Variants in C10orf67 observed in about 807,000 individuals in gnomAD.
C10orf67 encodes the protein uncharacterized protein C10orf67, mitochondrial.
In C10orf67, 60 loss-of-function variants were observed where a neutral mutation model predicts 35.6. The observed-to-expected ratio is 1.68, with a 90% CI of 1.37 to 2.09. The LOEUF is 2.09. Among genes scored for constraint, C10orf67 ranks in the 30% most tolerant of loss-of-function variants. The pLI is 0.00. For missense variants in C10orf67, 474 were observed against 330.2 expected (o/e 1.44, Z -3.38); for synonymous variants, 167 against 115.8 (o/e 1.44, Z -2.84).
chr10:23,257,600 C>T lies in C10orf67; in HGVS notation c.1201-6909G>A, dbSNP rs533339071. ...GGAGAATCCCTTGAGCTCGGGAGTT[C>T]GAGAACAGCCTGGGCAATATGGCAA... On this transcript the variant is annotated intron_variant, in intron 10 of 15. Coordinates refer to ENST00000636213, the MANE Select transcript of C10orf67 (RefSeq NM_001371909.1). Among the ~76,000 whole-genome samples, 75 of 152,166 alleles carry T rather than the reference C, an allele frequency of 4.9e-4. No homozygotes were observed. The South Asian group carries it at 0.015, about 30-fold the overall frequency.
Position 23,344,635 on chromosome 10 carries a change from AC to A in C10orf67, c.139del (p.Val47SerfsTer30), listed in dbSNP as rs1283855659. 2 of 1,584,234 alleles carry A rather than the reference AC, an allele frequency of 1.3e-6. No individual in the cohort carries two copies. The highest frequency in any genetic ancestry group is 4.6e-5 in the East Asian group (2 of 43,178). On this transcript the variant is annotated frameshift_variant, in exon 1 of 16. Transcript: ENST00000636213. LOFTEE classifies it high-confidence loss of function. ...AMKAKATELR[V>X]CCARRKREAR... ...TTCTCGCTTCCTACGCGCGCAGCAG[AC>A]CCGCAGCTCGGTGGCCTTGGCTTTC...
At chr10:23,292,158 C>CTTTTTTTT (rs542812504) in intron 5 of C10orf67, among the ~76,000 whole-genome samples, 1 of 69,316 alleles carries the variant, frequency 1.4e-5, no homozygotes. Context: ...GACAGCTACT[C>CTTTTTTTT]TTTTTTTTTT....
At chr10:23,264,553 T>A (rs1370735679) in intron 10 of C10orf67, among the ~76,000 whole-genome samples, 1 of 152,154 alleles carries the variant, frequency 6.6e-6, no homozygotes, top group Non-Finnish European at 1.5e-5. Context: ...GATTTGTCAG[T>A]CTTTGTCCTT....
chr10:23,281,102 A>C (rs1307146755), intron 8 of C10orf67, among the ~76,000 whole-genome samples: 2 of 152,190 alleles, frequency 1.3e-5, no homozygotes, highest in African/African-American at 4.8e-5. Flanking sequence ...GTTTTTGCGA[A>C]TCGCCAACCA....
intron 5 of C10orf67, among the ~76,000 whole-genome samples, chr10:23,300,128 G>A (rs1418810268): frequency 1.3e-5 from 2 of 152,176 alleles, no homozygotes; most frequent in African/African-American, 2.4e-5. Flanking sequence ...CCTGCTGCTC[G>A]ATCATCCGGC....
At chr10:23,291,346 A>G (rs1843714700) in intron 5 of C10orf67, 67 bp from the exon 6 acceptor site, 1 of 651,036 alleles carries the variant, frequency 1.5e-6, no homozygotes, top group African/African-American at 1.8e-5. Context: ...AGACAAGGAC[A>G]ATACAGATAC....
intron 4 of C10orf67, chr10:23,318,589 C>G (rs1844825731): frequency 3.4e-6 from 1 of 290,328 alleles, no homozygotes; most frequent in African/African-American, 2.2e-5. Context: ...GATTCCACCT[C>G]TTGATGGGAG....
chr10:23,229,597 T>G (rs1021072082), intron 13 of C10orf67, among the ~76,000 whole-genome samples: 14 of 151,876 alleles, frequency 9.2e-5, no homozygotes, highest in African/African-American at 3.1e-4. Context: ...ATAAAAAAAG[T>G]TTGTCATTAC....
At chr10:23,311,342 A>T (rs1455854523) in intron 4 of C10orf67, among the ~76,000 whole-genome samples, 2 of 152,224 alleles carry the variant, frequency 1.3e-5, no homozygotes, top group African/African-American at 4.8e-5. Context: ...AGCAACAGAC[A>T]TCCAGGCCTG....
intron 15 of C10orf67, among the ~76,000 whole-genome samples, chr10:23,209,806 C>G (rs924984069): frequency 6.6e-6 from 1 of 151,854 alleles, no homozygotes; most frequent in African/African-American, 2.4e-5. Flanking sequence ...TCAAGACCAG[C>G]CTGGGCAACA....
rs1337463208 is a variant in C10orf67, at chr10:23,223,596, AC to A, written c.1570+1del. The A allele has an allele frequency of 1.4e-6, 1 of 717,296 alleles. No individual in the cohort carries two copies. The highest frequency in any genetic ancestry group is 1.7e-5 in the African/African-American group (1 of 57,214). The allele number at this position is 717,296 out of a possible 1,614,324, so 44.4% of individuals were successfully genotyped here. ...CTCATTTCCAACAATAATGATTCTT[AC>A]CTTTTGGTGAAAGTTGAAGGGCTGC... On this transcript the variant is annotated splice_donor_variant, in intron 15 of 15. Transcript: ENST00000636213. LOFTEE classifies it high-confidence loss of function.
intron 15 of C10orf67, among the ~76,000 whole-genome samples, chr10:23,217,957 T>G (rs1487480477): frequency 6.6e-6 from 1 of 152,188 alleles, no homozygotes; most frequent in Non-Finnish European, 1.5e-5. Context: ...ATGGGTTGCC[T>G]TCCCTTTTCA....
At chr10:23,292,036 T>G (rs1220250143) in intron 5 of C10orf67, among the ~76,000 whole-genome samples, 1 of 152,164 alleles carries the variant, frequency 6.6e-6, no homozygotes, top group African/African-American at 2.4e-5. Flanking sequence ...TTTAAAGTTA[T>G]AGTTTTAGTA....
intron 13 of C10orf67, among the ~76,000 whole-genome samples, chr10:23,231,733 A>G (rs1841918774): frequency 6.6e-6 from 1 of 152,214 alleles, no homozygotes; most frequent in South Asian, 2.1e-4. Context: ...TCATAATAGT[A>G]AAAAGTGAGA....
chr10:23,207,943 G>T (rs1336394271), intron 15 of C10orf67, among the ~76,000 whole-genome samples: 1 of 152,076 alleles, frequency 6.6e-6, no homozygotes, highest in Non-Finnish European at 1.5e-5. Flanking sequence ...GCTTCACATT[G>T]TGCCTTTTGT....
chr10:23,295,974 T>C (rs879014146), intron 5 of C10orf67, among the ~76,000 whole-genome samples: 1 of 152,236 alleles, frequency 6.6e-6, no homozygotes, highest in African/African-American at 2.4e-5. Flanking sequence ...CCAGTTTAAA[T>C]ACGATCCTTT....
intron 12 of C10orf67, among the ~76,000 whole-genome samples, chr10:23,245,381 A>T (rs1048116672): frequency 6.6e-6 from 1 of 152,214 alleles, no homozygotes; most frequent in Non-Finnish European, 1.5e-5. Flanking sequence ...TCAAACTATA[A>T]AGCTTCCTCA....
chr10:23,302,568 C>T (rs902405608), intron 5 of C10orf67, among the ~76,000 whole-genome samples: 1 of 152,194 alleles, frequency 6.6e-6, no homozygotes, highest in Non-Finnish European at 1.5e-5. Context: ...CCAAATCAAA[C>T]AATCAGCTTC....
intron 10 of C10orf67, among the ~76,000 whole-genome samples, chr10:23,254,310 C>T (rs1842541798): frequency 6.6e-6 from 1 of 152,104 alleles, no homozygotes; most frequent in African/African-American, 2.4e-5. Flanking sequence ...CAGGTTCAAG[C>T]AATTCTCCTG....
Sources: allele counts gnomAD v4.1 joint callset (sites outside exome capture counted in the v4.1 genomes callset), GRCh38; gene constraint gnomAD v4.1.1; transcripts MANE v1.5; gene names NCBI Gene and HGNC (gene_info 2026-07-23, HGNC 2026-07-21).